SOAT1: variants seen among roughly 807,000 people sequenced by gnomAD.
SOAT1 encodes the protein sterol O-acyltransferase 1.
SOAT1 carries 55 observed loss-of-function variants against 69.5 expected under a neutral mutation model. That is an observed-to-expected ratio of 0.79 (90% confidence interval 0.64 to 0.99). The LOEUF (loss-of-function observed/expected upper bound fraction) is 0.99, where lower values mean the gene tolerates loss of function less well. SOAT1 is among the 50% of genes least tolerant of loss of function. The probability of loss-of-function intolerance (pLI) is 0.00; values close to 1 mark genes in which losing one functional copy is unlikely to be tolerated. For missense variants in SOAT1, 580 were observed against 669.3 expected, an observed-to-expected ratio of 0.87 and a Z score of 1.47; for synonymous variants, 231 against 224.7, an observed-to-expected ratio of 1.03 and a Z score of -0.25.
At chr1:179,324,865 C>T (rs1208272068) in intron 3 of SOAT1, among the ~76,000 whole-genome samples, 4 of 152,146 alleles carry the variant, frequency 2.6e-5, no homozygotes, top group Non-Finnish European at 4.4e-5. Flanking sequence ...TGCAGTGGCA[C>T]GATCTCGGCT....
rs868589354 is a variant in SOAT1 at position 179,327,273 on chromosome 1, A to T, written c.177+3778A>T. 4.6e-5 allele frequency among the ~76,000 whole-genome samples: 7 copies of T among 152,088 alleles called. No individual in the cohort carries two copies. The South Asian group carries it at 1.5e-3, about 32-fold the overall frequency. On this transcript the variant is annotated intron_variant, in intron 3 of 15. Transcript: ENST00000367619. ...TTCCTCTTGTGGGTTTTTACAAATA[A>T]TTTTTTTTAAATGCAAGTTAGGAAT...
intron 2 of SOAT1, among the ~76,000 whole-genome samples, chr1:179,303,169 A>G (rs768410923): frequency 6.6e-6 from 1 of 152,236 alleles, no homozygotes; most frequent in Non-Finnish European, 1.5e-5. Flanking sequence ...TAGATTTATC[A>G]CAGTGTAATA....
At chr1:179,310,019 C>T (rs1449478324) in intron 2 of SOAT1, among the ~76,000 whole-genome samples, 1 of 152,090 alleles carries the variant, frequency 6.6e-6, no homozygotes, top group Non-Finnish European at 1.5e-5. Flanking sequence ...CCTGCCTCAG[C>T]CTCCTGAGTA....
intron 2 of SOAT1, among the ~76,000 whole-genome samples, chr1:179,309,757 C>CT (rs1288936684): frequency 6.6e-6 from 1 of 151,832 alleles, no homozygotes; most frequent in Non-Finnish European, 1.5e-5. Flanking sequence ...TGATTATGTA[C>CT]TTTGAATATT....
intron 2 of SOAT1, among the ~76,000 whole-genome samples, chr1:179,307,001 T>C (rs1285407225): frequency 6.6e-6 from 1 of 152,194 alleles, no homozygotes; most frequent in Admixed American, 6.5e-5. Flanking sequence ...CTAAAAATAG[T>C]GCCTTGCATA....
At chr1:179,346,525 A>G (rs1251012310) in intron 11 of SOAT1, among the ~76,000 whole-genome samples, 1 of 152,218 alleles carries the variant, frequency 6.6e-6, no homozygotes, top group African/African-American at 2.4e-5. Context: ...AGTGGGATGG[A>G]TGCAAGGGCA....
At chr1:179,317,431 G>A (rs1406357024) in intron 2 of SOAT1, among the ~76,000 whole-genome samples, 1 of 151,684 alleles carries the variant, frequency 6.6e-6, no homozygotes, top group East Asian at 1.9e-4. Context: ...TACTTGGGAT[G>A]CTGAGGCAGG....
chr1:179,297,840 C>G (rs1337734263), intron 1 of SOAT1, among the ~76,000 whole-genome samples: 2 of 151,012 alleles, frequency 1.3e-5, no homozygotes, highest in Non-Finnish European at 3.0e-5. Context: ...GACACCCCAT[C>G]TCTACTAAAA....
intron 1 of SOAT1, among the ~76,000 whole-genome samples, chr1:179,295,001 G>A (rs1448568984): frequency 6.6e-6 from 1 of 151,706 alleles, no homozygotes; most frequent in Non-Finnish European, 1.5e-5. Context: ...AAGGAAGTCT[G>A]TGCGTTGTCT....
chr1:179,320,776 C>T (rs1665569096), intron 2 of SOAT1, among the ~76,000 whole-genome samples: 1 of 152,062 alleles, frequency 6.6e-6, no homozygotes, highest in African/African-American at 2.4e-5. Context: ...CGCTCTGTTG[C>T]TCAAGCTGGA....
intron 3 of SOAT1, among the ~76,000 whole-genome samples, chr1:179,327,149 C>T (rs778672629): frequency 6.6e-6 from 1 of 152,116 alleles, no homozygotes; most frequent in Admixed American, 6.6e-5. Context: ...TGTTGCTTAG[C>T]CTTATTGGTT....
chr1:179,310,878 T>TTGCTTAGTATTCCTTAG (rs1665197354), intron 2 of SOAT1, among the ~76,000 whole-genome samples: 2 of 152,214 alleles, frequency 1.3e-5, no homozygotes, highest in African/African-American at 2.4e-5. Context: ...TGAAAATTGG[T>TTGCTTAGTATTCCTTAG]TATTAGTCAC....
At chr1:179,320,567 T>C (rs1179357075) in intron 2 of SOAT1, among the ~76,000 whole-genome samples, 1 of 152,180 alleles carries the variant, frequency 6.6e-6, no homozygotes, top group East Asian at 1.9e-4. Context: ...TTTAAATCTA[T>C]AGAAAAATTG....
intron 2 of SOAT1, among the ~76,000 whole-genome samples, chr1:179,319,012 T>C (rs79879199): frequency 0.013 from 2,016 of 152,286 alleles, 17 homozygotes; most frequent in Non-Finnish European, 0.021. Context: ...TCGAGGAACT[T>C]CCAGACTGTT....
chr1:179,336,694 C>G (rs1265650826), intron 4 of SOAT1, among the ~76,000 whole-genome samples: 1 of 152,018 alleles, frequency 6.6e-6, no homozygotes, highest in African/African-American at 2.4e-5. Flanking sequence ...GCTCTAGAGT[C>G]CTTGCTCTTA....
At position 179,323,522 on chromosome 1, in the gene SOAT1, A is replaced by G. The variant is rs1450991176; in HGVS notation, c.177+27A>G. The G allele has an allele frequency of 6.9e-6, 11 of 1,591,408 alleles. No homozygotes were observed. In the Admixed American group the frequency reaches 1.7e-4, roughly 24 times the overall value. On this transcript the variant is annotated intron_variant, in intron 3 of 15. Coordinates refer to ENST00000367619, the MANE Select transcript of SOAT1 (RefSeq NM_003101.6). ...CAAGTAACTCCCTCTTCTAGAAACA[A>G]AAATGTAGAGTTTTAGATAGAATTT...
chr1:179,307,168 G>A (rs1054553432), intron 2 of SOAT1, among the ~76,000 whole-genome samples: 3 of 152,192 alleles, frequency 2.0e-5, no homozygotes, highest in African/African-American at 7.2e-5. Flanking sequence ...CCTGGGTTGC[G>A]TGGGATATCT....
chr1:179,356,564 A>C lies in SOAT1; in HGVS notation c.*2923A>C, dbSNP rs1666914636. The C allele has an allele frequency of 1.4e-5, 2 of 140,162 alleles. No individual in the cohort carries two copies. The highest frequency in any genetic ancestry group is 1.5e-5 in the Non-Finnish European group (1 of 66,602). The allele number at this position is 140,162 out of a possible 1,614,324, so 8.7% of individuals were successfully genotyped here. ...CAGATGGGGTTTTACCATGTTGCTC[A>C]GGCTGGTCTCAAACTCCTGGAGTCA... On this transcript the variant is annotated 3_prime_UTR_variant, in exon 16 of 16. Coordinates refer to ENST00000367619, the MANE Select transcript of SOAT1 (RefSeq NM_003101.6).
At chr1:179,318,464 TAGTC>T (rs1313248828) in intron 2 of SOAT1, among the ~76,000 whole-genome samples, 5 of 152,180 alleles carry the variant, frequency 3.3e-5, no homozygotes, top group African/African-American at 9.7e-5. Flanking sequence ...ATACCGCCGT[TAGTC>T]AGGTTAAACA....
Sources: gnomAD v4.1 joint callset for allele counts (sites outside exome capture counted in the v4.1 genomes callset) on GRCh38, gnomAD v4.1.1 for gene constraint, MANE v1.5 for transcripts, NCBI Gene and HGNC (gene_info 2026-07-23, HGNC 2026-07-21) for gene names.